Variants in DDAH1 observed in about 807,000 individuals in gnomAD.
DDAH1 encodes N(G),N(G)-dimethylarginine dimethylaminohydrolase 1.
A neutral mutation model predicts 28.8 loss-of-function variants in DDAH1; 19 were observed. That is an observed-to-expected ratio of 0.66 (90% confidence interval 0.46 to 0.97). DDAH1 has a LOEUF of 0.97. DDAH1 is among the 50% of genes least tolerant of loss of function. The probability of loss-of-function intolerance (pLI) is 0.00; values close to 1 mark genes in which losing one functional copy is unlikely to be tolerated. For synonymous variants in DDAH1, 153 were observed against 154.4 expected (o/e 0.99, Z 0.07); for missense variants, 326 against 375.9 (o/e 0.87, Z 1.10).
intron 2 of DDAH1, among the ~76,000 whole-genome samples, chr1:85,473,134 C>G (rs140282199): frequency 6.6e-6 from 1 of 152,224 alleles, no homozygotes; most frequent in East Asian, 1.9e-4. Context: ...CTGATGGACA[C>G]CTAGGTTGAT....
At chr1:85,484,258 C>A (rs1371875112) in intron 2 of DDAH1, among the ~76,000 whole-genome samples, 1 of 150,982 alleles carries the variant, frequency 6.6e-6, no homozygotes, top group Non-Finnish European at 1.5e-5. Context: ...ATCTATCTAC[C>A]TATTTATTTA....
At chr1:85,440,666 T>C (rs571219766) in intron 1 of DDAH1, among the ~76,000 whole-genome samples, 1 of 152,222 alleles carries the variant, frequency 6.6e-6, no homozygotes, top group Non-Finnish European at 1.5e-5. Context: ...GTAACTTCCT[T>C]AGATAAAAGT....
chr1:85,346,378 T>C (rs1183329529), intron 4 of DDAH1, among the ~76,000 whole-genome samples: 3 of 152,188 alleles, frequency 2.0e-5, no homozygotes, highest in Non-Finnish European at 4.4e-5. Flanking sequence ...GCTCAGATCC[T>C]GGATACCAGT....
At chr1:85,422,691 C>A (rs1350563358) in intron 1 of DDAH1, among the ~76,000 whole-genome samples, 1 of 152,100 alleles carries the variant, frequency 6.6e-6, no homozygotes, top group East Asian at 1.9e-4. Context: ...TGAATTGAGT[C>A]CCCCTAAAAT....
intron 4 of DDAH1, among the ~76,000 whole-genome samples, chr1:85,326,166 A>C (rs1647381450): frequency 6.6e-6 from 1 of 152,214 alleles, no homozygotes. Flanking sequence ...CCAGTCAGGT[A>C]AATCATTCAC....
intron 1 of DDAH1, among the ~76,000 whole-genome samples, chr1:85,506,634 T>G (rs1432336552): frequency 6.6e-6 from 1 of 152,170 alleles, no homozygotes; most frequent in Non-Finnish European, 1.5e-5. Flanking sequence ...TAGGTAGAGC[T>G]TAGGCTATGA....
chr1:85,387,076 G>C (rs753913242), intron 1 of DDAH1, among the ~76,000 whole-genome samples: 2 of 152,154 alleles, frequency 1.3e-5, no homozygotes, highest in Non-Finnish European at 2.9e-5. Flanking sequence ...TCTGTGATGG[G>C]AAAGGTGGTC....
intron 1 of DDAH1, among the ~76,000 whole-genome samples, chr1:85,563,271 T>C (rs906208420): frequency 6.6e-6 from 1 of 152,178 alleles, no homozygotes; most frequent in African/African-American, 2.4e-5. Context: ...TTCAACTAAG[T>C]TCTGTTCAGT....
chr1:85,437,718 T>C (rs959806009), intron 1 of DDAH1, among the ~76,000 whole-genome samples: 18 of 152,344 alleles, frequency 1.2e-4, no homozygotes, highest in Non-Finnish European at 1.5e-5. Flanking sequence ...TTTGTGCCAA[T>C]GTATTTAATC....
At chr1:85,328,063 G>A (rs2268667) in intron 4 of DDAH1, among the ~76,000 whole-genome samples, 43,701 of 152,076 alleles carry the variant, frequency 0.29, 7,205 homozygotes, top group South Asian at 0.4. Context: ...TCTATGTCCA[G>A]AAACAGAAAT....
At chr1:85,410,985 G>A (rs1308565930) in intron 1 of DDAH1, among the ~76,000 whole-genome samples, 2 of 152,118 alleles carry the variant, frequency 1.3e-5, no homozygotes, top group South Asian at 2.1e-4. Flanking sequence ...CAAAGAACTC[G>A]TAGGCTGTTG....
intron 1 of DDAH1, among the ~76,000 whole-genome samples, chr1:85,577,690 A>G (rs1659651652): frequency 6.6e-6 from 1 of 152,060 alleles, no homozygotes; most frequent in African/African-American, 2.4e-5. Context: ...TCCTAGGGCT[A>G]GGAAACTGGA....
chr1:85,435,685 G>A (rs1269449579), intron 1 of DDAH1, among the ~76,000 whole-genome samples: 5 of 152,214 alleles, frequency 3.3e-5, no homozygotes, highest in African/African-American at 1.2e-4. Context: ...AGGCTTGAAG[G>A]AAGTGAGAGA....
At chr1:85,324,693 C>T (rs748325241) in intron 5 of DDAH1, 47 bp downstream of exon 5, 1 of 1,607,914 alleles carries the variant, frequency 6.2e-7, no homozygotes, top group Non-Finnish European at 8.5e-7. Context: ...AAAAAATCCC[C>T]AGGGAGGCTG....
At chr1:85,553,995 A>G (rs1304207377) in intron 1 of DDAH1, among the ~76,000 whole-genome samples, 1 of 152,164 alleles carries the variant, frequency 6.6e-6, no homozygotes, top group Non-Finnish European at 1.5e-5. Flanking sequence ...TGGCTTGAAG[A>G]TTATACTTGC....
chr1:85,509,329 C>T (rs1454846877), intron 1 of DDAH1, among the ~76,000 whole-genome samples: 1 of 152,110 alleles, frequency 6.6e-6, no homozygotes, highest in Non-Finnish European at 1.5e-5. Context: ...ACATGAAAAC[C>T]CCATCTGTAG....
intron 1 of DDAH1, among the ~76,000 whole-genome samples, chr1:85,550,384 C>T (rs1232343864): frequency 6.6e-6 from 1 of 152,096 alleles, no homozygotes; most frequent in Non-Finnish European, 1.5e-5. Context: ...GCCAAGTGTG[C>T]CCACTCCAAA....
At chr1:85,494,146 T>C (rs1255778467) in intron 2 of DDAH1, 6 of 152,184 alleles carry the variant, frequency 3.9e-5, no homozygotes, top group African/African-American at 1.4e-4. Flanking sequence ...TAGGGTTGTG[T>C]GCAGATTAAT....
At chr1:85,380,542 A>AT (rs1391505860) in intron 1 of DDAH1, 2 of 152,160 alleles carry the variant, frequency 1.3e-5, no homozygotes, top group African/African-American at 4.8e-5. Context: ...CTGTAGTCAC[A>AT]TATTATTTGT....
Sources: allele counts gnomAD v4.1 joint callset (sites outside exome capture counted in the v4.1 genomes callset), GRCh38; gene constraint gnomAD v4.1.1; transcripts MANE v1.5; gene names NCBI Gene and HGNC (gene_info 2026-07-23, HGNC 2026-07-21).